Variants in GBP7 observed in about 807,000 individuals in gnomAD.
The protein encoded by GBP7 is guanylate binding protein 7, also known as guanylate-binding protein 7.
A neutral mutation model predicts 61.3 loss-of-function variants in GBP7; 43 were observed. The ratio of observed to expected loss-of-function variants is 0.70; its 90% CI spans 0.55 to 0.91. The LOEUF (loss-of-function observed/expected upper bound fraction) is 0.91. Among genes scored for constraint, GBP7 ranks in the 40% least tolerant of loss-of-function variants. The pLI is 0.00. For missense variants in GBP7, 717 were observed against 740.5 expected, an observed-to-expected ratio of 0.97 and a Z score of 0.37; for synonymous variants, 267 against 271.0, an observed-to-expected ratio of 0.99 and a Z score of 0.14.
At chr1:89,147,303 A>G (rs190274038) in intron 8 of GBP7, among the ~76,000 whole-genome samples, 27 of 152,342 alleles carry the variant, frequency 1.8e-4, no homozygotes, top group Non-Finnish European at 3.5e-4. Flanking sequence ...ACTTAGCACA[A>G]AAACTATCAC....
chr1:89,150,624 G>A, intron 5 of GBP7, 49 bp from the exon 6 acceptor site: 3 of 1,582,646 alleles, frequency 1.9e-6, no homozygotes, highest in African/African-American at 2.7e-5. Flanking sequence ...TTTTAAGTGA[G>A]CCTGAAGATT....
intron 9 of GBP7, among the ~76,000 whole-genome samples, chr1:89,140,435 TATAATA>T (rs1205772458): frequency 4.0e-5 from 5 of 124,230 alleles, no homozygotes; most frequent in South Asian, 2.6e-4. Context: ...AAACTTAAAG[TATAATA>T]ATAATAATAA....
Position 89,144,976 on chromosome 1 carries a change from C to T in GBP7, c.1365+2591G>A, listed in dbSNP as rs761773354. 4.5e-5 allele frequency among the ~76,000 whole-genome samples: 6 copies of T among 132,874 alleles called. No homozygotes were observed. The East Asian group carries it at 8.8e-4, about 20-fold the overall frequency. 87.2% of individuals were successfully genotyped at this position (132,874 alleles called of 152,430 possible). A position where few individuals can be genotyped will look rare whatever the true frequency, so the allele number is the denominator to read the frequency against. On this transcript the variant is annotated intron_variant, in intron 8 of 10. Coordinates refer to ENST00000294671, the MANE Select transcript of GBP7 (RefSeq NM_207398.3). ...TCTTTTTTTTTTTTTTTTTTTGAGA[C>T]GGAGTCTCGCTCTGTCACCAAGGTG...
In GBP7 at chr1:89,133,419, C is replaced by A. The variant is rs765234658; in HGVS notation, c.1501G>T (p.Glu501Ter). Residue 501 changes from glutamate (E) to a stop codon, truncating the protein, a stop_gained, in exon 10 of 11, where the codon GAA becomes TAA. Coordinates refer to ENST00000294671, the MANE Select transcript of GBP7 (RefSeq NM_207398.3). LOFTEE classifies it high-confidence loss of function. ...TGTTTTTGTCTTAGCAGCTCCTGTT[C>A]CTTTTCAGCTGCCTCCTTCTTAGCC... ...KQAKKEAAEKEQELLRQKQKE... is the reference protein window; with the variant it reads ...KQAKKEAAEK 1 of 1,614,062 alleles carries A rather than the reference C, an allele frequency of 6.2e-7. No homozygotes were observed. The highest frequency in any genetic ancestry group is 8.5e-7 in the Non-Finnish European group (1 of 1,179,996).
chr1:89,160,416 G>A lies in GBP7; in HGVS notation c.318+4315C>T, dbSNP rs548692597. 2.0e-5 allele frequency among the ~76,000 whole-genome samples: 3 copies of A among 152,214 alleles called. No homozygotes were observed. In the South Asian group the frequency reaches 6.2e-4, roughly 32 times the overall value. ...TGAAGATTTTAAAATTTCACTTAGG[G>A]AGGAAGCAAAGTGAAGAACACAGAT... On this transcript the variant is annotated intron_variant, in intron 3 of 10. Transcript: ENST00000294671.
Position 89,164,752 on chromosome 1 carries a change from C to T in GBP7, c.297G>A (p.Glu99=), listed in dbSNP as rs1004649731. 6.2e-7 allele frequency: 1 copy of T among 1,613,916 alleles called. No individual in the cohort carries two copies. Among genetic ancestry groups the T allele is most frequent in the Non-Finnish European group, 8.5e-7 (1 of 1,179,858 alleles). ...TTACCTTTTCCATATCACCCAGGCC[C>T]TCCGTGTCCAGAAGGATCAGGGTGT... ...PNHTLILLDT[E]GLGDMEKSDP... Residue 99 remains glutamate, a synonymous_variant, in exon 3 of 11, where the codon GAG becomes GAA. Coordinates refer to ENST00000294671, the MANE Select transcript of GBP7 (RefSeq NM_207398.3).
Position 89,159,605 on chromosome 1 carries a change from GA to G in GBP7, c.318+5125del, listed in dbSNP as rs574617927. ...ACATCTATGCAGCCAACAGACACATGAAAAAATGATCATCATCACTGGCCAT... is the reference window on the plus strand; with the variant it reads ...ACATCTATGCAGCCAACAGACACATGAAAAATGATCATCATCACTGGCCAT... On this transcript the variant is annotated intron_variant, in intron 3 of 10. Coordinates refer to ENST00000294671, the MANE Select transcript of GBP7 (RefSeq NM_207398.3). 4.6e-3 allele frequency among the ~76,000 whole-genome samples: 694 copies of G among 152,174 alleles called. 4 individuals are homozygous for G. Among genetic ancestry groups the G allele is most frequent in the Non-Finnish European group, 8.2e-3 (556 of 67,976 alleles).
intron 2 of GBP7, among the ~76,000 whole-genome samples, chr1:89,169,703 A>G (rs1441916067): frequency 3.9e-5 from 6 of 152,212 alleles, no homozygotes; most frequent in Non-Finnish European, 8.8e-5. Context: ...GATGAGTCTC[A>G]TGTCTCATGT....
chr1:89,163,877 G>A (rs923170679), intron 3 of GBP7, among the ~76,000 whole-genome samples: 2 of 149,370 alleles, frequency 1.3e-5, no homozygotes, highest in Non-Finnish European at 3.0e-5. Context: ...TTGTTTGTTT[G>A]TTTTGTTTTT....
chr1:89,170,103 A>G (rs660345), intron 2 of GBP7, among the ~76,000 whole-genome samples: 2,458 of 152,202 alleles, frequency 0.016, 64 homozygotes, highest in African/African-American at 0.055. Flanking sequence ...CAGAGTTAGC[A>G]CTCTCGGCTT....
chr1:89,152,387 A>G lies in GBP7; in HGVS notation c.506T>C (p.Phe169Ser), dbSNP rs761351251. 1.9e-6 allele frequency: 3 copies of G among 1,614,038 alleles called. No individual in the cohort carries two copies. Among genetic ancestry groups the G allele is most frequent in the Non-Finnish European group, 2.5e-6 (3 of 1,180,000 alleles). The change falls in exon 5 of 11, where the codon TTT becomes TCT. Residue 169 changes from phenylalanine to serine, a missense_variant. This residue lies in a region of GBP7 where 387 missense variants were observed against 385.2 expected (regional missense o/e 1.00). Coordinates refer to ENST00000294671, the MANE Select transcript of GBP7 (RefSeq NM_207398.3). ...AATAAAGTCTGGAAAGAAACTCACA[A>G]ACTCGCTGGAGTCCTCAACTTCATC... ...RPDEVEDSSEFVSFFPDFIWT... is the reference protein window; with the variant it reads ...RPDEVEDSSESVSFFPDFIWT...
Position 89,162,535 on chromosome 1 carries a change from A to T in GBP7, c.318+2196T>A, listed in dbSNP as rs576888053. ...TTCCTAAGCAGCAATTATGAATGGG[A>T]GTTTGTTCCTGATTTGGCTTTCAGC... On this transcript the variant is annotated intron_variant, in intron 3 of 10. Transcript: ENST00000294671. Among the ~76,000 whole-genome samples the T allele has an allele frequency of 1.1e-4, 16 of 152,146 alleles. No homozygotes were observed. In the South Asian group the frequency reaches 1.5e-3, roughly 14 times the overall value.
intron 10 of GBP7, among the ~76,000 whole-genome samples, chr1:89,132,958 G>A (rs1441693830): frequency 1.3e-5 from 2 of 152,134 alleles, no homozygotes; most frequent in East Asian, 3.9e-4. Flanking sequence ...AATCCTAAGG[G>A]CTGGTGGACT....
At position 89,149,500 on chromosome 1, in the gene GBP7, A is replaced by T. The variant is rs376039007; in HGVS notation, c.944T>A (p.Met315Lys). ...SGATPCLENA[M>K]AVLAQCENSA... ...GTTCTCACACTGGGCCAGAACTGCC[A>T]TTGCATTCTCCAGACAAGGAGTCGC... is the stretch of plus-strand genomic sequence containing the variant. The change falls in exon 7 of 11, where the codon ATG becomes AAG. Residue 315 changes from methionine (M) to lysine (K), a missense_variant. This residue lies in a region of GBP7 where 387 missense variants were observed against 385.2 expected (regional missense o/e 1.00). Transcript: ENST00000294671. The T allele has an allele frequency of 2.5e-6, 4 of 1,614,028 alleles. No homozygotes were observed. The African/African-American group carries it at 5.3e-5, about 22-fold the overall frequency.
chr1:89,159,711 A>C (rs1283663579), intron 3 of GBP7, among the ~76,000 whole-genome samples: 1 of 152,232 alleles, frequency 6.6e-6, no homozygotes, highest in East Asian at 1.9e-4. Flanking sequence ...GTCAGGAAAC[A>C]ACAGGTGCTG....
At chr1:89,144,038 C>T (rs1197655075) in intron 8 of GBP7, among the ~76,000 whole-genome samples, 1 of 152,188 alleles carries the variant, frequency 6.6e-6, no homozygotes, top group African/African-American at 2.4e-5. Flanking sequence ...CTGCCTCCTC[C>T]CTCTTGTATT....
At chr1:89,175,303 T>C (rs1017523704) in intron 1 of GBP7, among the ~76,000 whole-genome samples, 7 of 152,200 alleles carry the variant, frequency 4.6e-5, no homozygotes, top group Non-Finnish European at 2.9e-5. Flanking sequence ...AGCCGTTTAT[T>C]TTTCTGTGAT....
intron 9 of GBP7, among the ~76,000 whole-genome samples, chr1:89,136,849 A>T (rs1052522581): frequency 2.0e-5 from 3 of 152,096 alleles, no homozygotes; most frequent in African/African-American, 7.2e-5. Context: ...AACCATACAA[A>T]AGATCAATGA....
At position 89,147,767 on chromosome 1, in the gene GBP7, T is replaced by A. The variant is rs758266631; in HGVS notation, c.1165A>T (p.Lys389Ter). The change falls in exon 8 of 11, where the codon AAA becomes TAA. Residue 389 changes from lysine (K) to a stop codon, truncating the protein, a stop_gained. Transcript: ENST00000294671. LOFTEE classifies it high-confidence loss of function. ...TGCAGCACAAAGTCTTCCTTCTTTT[T>A]CTCCATGGTGTCCTGCCAGAAAAGT... ...FQKKLVDTMEKKKEDFVLQNE... is the reference protein window; with the variant it reads ...FQKKLVDTME 3 of 1,614,080 alleles carry A rather than the reference T, an allele frequency of 1.9e-6. No homozygotes were observed. In the South Asian group the frequency reaches 3.3e-5, roughly 18 times the overall value.
Sources: gnomAD v4.1 joint callset for allele counts (sites outside exome capture counted in the v4.1 genomes callset) on GRCh38, gnomAD v4.1.1 for gene constraint, gnomAD v4.1.1 regional missense constraint, MANE v1.5 for transcripts, NCBI Gene and HGNC (gene_info 2026-07-23, HGNC 2026-07-21) for gene names.